RPS6KC1: variants seen among roughly 807,000 people sequenced by gnomAD.
RPS6KC1 encodes the protein inactive ribosomal protein S6 kinase delta-1.
RPS6KC1 carries 54 observed loss-of-function variants against 103.8 expected under a neutral mutation model. That is an observed-to-expected ratio of 0.52 (90% CI 0.42 to 0.65). The LOEUF (loss-of-function observed/expected upper bound fraction) is 0.65. RPS6KC1 is among the 30% of genes least tolerant of loss of function. The pLI is 0.00. For synonymous variants in RPS6KC1, 439 were observed against 438.7 expected (o/e 1.00, Z -0.01); for missense variants, 1,151 against 1,253.8 (o/e 0.92, Z 1.24).
chr1:213,651,408 C>T, the RPS6KC1 span, among the ~76,000 whole-genome samples: 6 of 152,284 alleles, frequency 3.9e-5, no homozygotes, highest in South Asian at 2.1e-4. Flanking sequence ...AACTGTGTAT[C>T]GGCCCCCACT....
At chr1:213,394,784 T>C in the RPS6KC1 span, among the ~76,000 whole-genome samples, 2 of 152,212 alleles carry the variant, frequency 1.3e-5, no homozygotes, top group Admixed American at 6.5e-5. Flanking sequence ...CTCCACGCAC[T>C]CGCAAGTCTA....
chr1:213,071,204 A>AC lies in RPS6KC1; in HGVS notation c.141+164dup, dbSNP rs1397955790. Among the ~76,000 whole-genome samples, 7 of 152,180 alleles carry AC rather than the reference A, an allele frequency of 4.6e-5. No individual in the cohort carries two copies. In the South Asian group the frequency reaches 8.3e-4, roughly 18 times the overall value. On this transcript the variant is annotated intron_variant, in intron 2 of 14. Coordinates refer to ENST00000366960, the MANE Select transcript of RPS6KC1 (RefSeq NM_012424.6). ...GAGTGCAGTGGCGCAATCTCGGCTCACTGCAACCTCTGCCTCCTGGGTTCA... is the reference window on the plus strand; with the variant it reads ...GAGTGCAGTGGCGCAATCTCGGCTCACCTGCAACCTCTGCCTCCTGGGTTCA...
At chr1:213,790,447 G>T in the RPS6KC1 span, among the ~76,000 whole-genome samples, 1 of 152,110 alleles carries the variant, frequency 6.6e-6, no homozygotes, top group Non-Finnish European at 1.5e-5. Flanking sequence ...TAGGGAACAT[G>T]CAGTCAGAAA....
At chr1:213,498,577 C>T in the RPS6KC1 span, among the ~76,000 whole-genome samples, 1 of 151,678 alleles carries the variant, frequency 6.6e-6, no homozygotes, top group East Asian at 1.9e-4. Context: ...GCCCCAGCCT[C>T]CAGAGTAGCT....
intron 8 of RPS6KC1, among the ~76,000 whole-genome samples, chr1:213,224,986 C>T (rs1461125507): frequency 2.6e-5 from 4 of 152,178 alleles, no homozygotes; most frequent in Non-Finnish European, 4.4e-5. Context: ...AATTTCCAAG[C>T]AGCTAAAGCT....
chr1:213,788,973 GA>G, the RPS6KC1 span, among the ~76,000 whole-genome samples: 8 of 152,246 alleles, frequency 5.3e-5, no homozygotes, highest in African/African-American at 1.9e-4. Context: ...GAGCAGAGGG[GA>G]AAAAAGTAGC....
At chr1:213,328,543 A>ATATATATATATAT in the RPS6KC1 span, among the ~76,000 whole-genome samples, 12 of 88,696 alleles carry the variant, frequency 1.4e-4, no homozygotes, top group East Asian at 4.4e-4. Flanking sequence ...TATATATATC[A>ATATATATATATAT]CACACACACG....
At chr1:213,092,774 GTA>G (rs2081098286) in intron 3 of RPS6KC1, among the ~76,000 whole-genome samples, 1 of 152,052 alleles carries the variant, frequency 6.6e-6, no homozygotes, top group Admixed American at 6.6e-5. Context: ...AAGATCCTGT[GTA>G]TGTGTAAATA....
chr1:213,626,163 C>G, the RPS6KC1 span, among the ~76,000 whole-genome samples: 1 of 152,166 alleles, frequency 6.6e-6, no homozygotes, highest in Admixed American at 6.5e-5. Flanking sequence ...TTTTGATTTG[C>G]ATTTCTCTGA....
the RPS6KC1 span, among the ~76,000 whole-genome samples, chr1:213,641,899 TAAAGAAG>T: frequency 6.9e-6 from 1 of 144,930 alleles, no homozygotes; most frequent in African/African-American, 2.5e-5. Flanking sequence ...CTCCACTAAA[TAAAGAAG>T]AAAGTTATCC....
chr1:213,812,855 C>T, the RPS6KC1 span, among the ~76,000 whole-genome samples: 3 of 152,160 alleles, frequency 2.0e-5, no homozygotes, highest in Admixed American at 1.3e-4. Context: ...CTTAACACAG[C>T]AGTCCCGAAG....
At chr1:213,573,518 G>A in the RPS6KC1 span, among the ~76,000 whole-genome samples, 1 of 152,112 alleles carries the variant, frequency 6.6e-6, no homozygotes, top group East Asian at 1.9e-4. Context: ...TCTTTATCTG[G>A]GGCATTAGCC....
At chr1:213,629,389 G>C in the RPS6KC1 span, among the ~76,000 whole-genome samples, 1,184 of 151,946 alleles carry the variant, frequency 7.8e-3, 15 homozygotes, top group Non-Finnish European at 6.6e-3. Context: ...TGTTTTATCA[G>C]AGACTAGGAT....
At chr1:213,810,397 T>C in the RPS6KC1 span, among the ~76,000 whole-genome samples, 1 of 152,118 alleles carries the variant, frequency 6.6e-6, no homozygotes, top group Non-Finnish European at 1.5e-5. Flanking sequence ...AGAGCATCAG[T>C]CTTATTCATT....
the RPS6KC1 span, among the ~76,000 whole-genome samples, chr1:213,426,528 A>G: frequency 3.7e-4 from 56 of 152,324 alleles, no homozygotes; most frequent in East Asian, 0.01. Context: ...TATTTGAATA[A>G]AGGATTATGA....
chr1:213,771,413 G>T, the RPS6KC1 span, among the ~76,000 whole-genome samples: 1 of 152,180 alleles, frequency 6.6e-6, no homozygotes, highest in Non-Finnish European at 1.5e-5. Context: ...AAGTGAGCAG[G>T]TTGTATATTT....
At chr1:213,525,739 G>A in the RPS6KC1 span, among the ~76,000 whole-genome samples, 3 of 152,164 alleles carry the variant, frequency 2.0e-5, no homozygotes, top group African/African-American at 7.2e-5. Flanking sequence ...ATGATTGTCA[G>A]CCTTGGCAAA....
chr1:213,278,262 A>G (rs61832502), downstream of RPS6KC1, among the ~76,000 whole-genome samples: 5,133 of 152,164 alleles, frequency 0.034, 119 homozygotes, highest in Middle Eastern at 0.054. Flanking sequence ...CACAAGACAG[A>G]TGTTTGATTA....
At chr1:213,775,680 G>A in the RPS6KC1 span, among the ~76,000 whole-genome samples, 1 of 152,280 alleles carries the variant, frequency 6.6e-6, no homozygotes, top group South Asian at 2.1e-4. Context: ...GTGGTTGCTG[G>A]AAATTGGGGC....
Sources: allele counts gnomAD v4.1 joint callset (sites outside exome capture counted in the v4.1 genomes callset), GRCh38; gene constraint gnomAD v4.1.1; transcripts MANE v1.5; gene names NCBI Gene and HGNC (gene_info 2026-07-23, HGNC 2026-07-21).